Variants in FKBP5 observed in about 807,000 individuals in gnomAD.
The protein encoded by FKBP5 is peptidyl-prolyl cis-trans isomerase FKBP5.
In FKBP5, 23 loss-of-function variants were observed where a neutral mutation model predicts 50.5. The observed-to-expected ratio is 0.46, with a 90% CI of 0.33 to 0.65. FKBP5 has a LOEUF of 0.65. FKBP5 is among the 30% of genes least tolerant of loss of function. The probability of loss-of-function intolerance (pLI) is 0.02; values close to 1 mark genes in which losing one functional copy is unlikely to be tolerated. For missense variants in FKBP5, 411 were observed against 553.1 expected (o/e 0.74, Z 2.58); for synonymous variants, 176 against 190.6 (o/e 0.92, Z 0.63).
intron 5 of FKBP5, among the ~76,000 whole-genome samples, chr6:35,613,653 A>C (rs1234435662): frequency 6.6e-6 from 1 of 152,244 alleles, no homozygotes; most frequent in Non-Finnish European, 1.5e-5. Flanking sequence ...CCTTTAGGGT[A>C]ATCTTTTTTC....
chr6:35,684,288 C>A lies in FKBP5; in HGVS notation c.-20+4516G>T, dbSNP rs187790323. Among the ~76,000 whole-genome samples the A allele has an allele frequency of 4.4e-3, 676 of 151,978 alleles. 2 individuals carry two copies. The highest frequency in any genetic ancestry group is 0.02 in the Middle Eastern group (6 of 294). On this transcript the variant is annotated intron_variant, in intron 1 of 10. Coordinates refer to ENST00000357266, the MANE Select transcript of FKBP5 (RefSeq NM_004117.4). ...CAACCTCCCAGGCTCAAGTGATCCT[C>A]CCACCTCAGCCTCCCAAGTAGCTGG...
chr6:35,707,631 G>T (rs1349216716), intron 2 of FKBP5, among the ~76,000 whole-genome samples: 1 of 152,028 alleles, frequency 6.6e-6, no homozygotes, highest in Non-Finnish European at 1.5e-5. Flanking sequence ...TTGTTGTACA[G>T]GTTATTTTGT....
At chr6:35,676,939 A>G (rs1437959611) in intron 1 of FKBP5, among the ~76,000 whole-genome samples, 1 of 152,198 alleles carries the variant, frequency 6.6e-6, no homozygotes, top group East Asian at 1.9e-4. Context: ...TCTCATTTCT[A>G]TTTTATCTCC....
intron 1 of FKBP5, among the ~76,000 whole-genome samples, chr6:35,681,623 T>G (rs144017135): frequency 2.6e-5 from 4 of 152,324 alleles, no homozygotes; most frequent in African/African-American, 9.6e-5. Flanking sequence ...ATTCCTACTG[T>G]GAAAAAAGCT....
chr6:35,590,708 C>G (rs1248127829), intron 7 of FKBP5, among the ~76,000 whole-genome samples: 2 of 152,030 alleles, frequency 1.3e-5, no homozygotes, highest in Non-Finnish European at 2.9e-5. Context: ...GTGCAGGCCT[C>G]TTCGTGACTC....
intron 2 of FKBP5, among the ~76,000 whole-genome samples, chr6:35,697,044 A>G (rs1766091883): frequency 6.6e-6 from 1 of 152,210 alleles, no homozygotes; most frequent in Non-Finnish European, 1.5e-5. Flanking sequence ...AATTTTCAAT[A>G]TAAAATTACC....
At chr6:35,704,570 A>G (rs1211984852) in intron 2 of FKBP5, among the ~76,000 whole-genome samples, 2 of 146,080 alleles carry the variant, frequency 1.4e-5, no homozygotes, top group Non-Finnish European at 3.0e-5. Context: ...CCTCGGGAGA[A>G]AGCCCGATAG....
chr6:35,623,882 G>A (rs1763920370), intron 3 of FKBP5, among the ~76,000 whole-genome samples: 1 of 151,626 alleles, frequency 6.6e-6, no homozygotes, highest in Non-Finnish European at 1.5e-5. Context: ...ATGATTTTCT[G>A]TAGATATGGA....
intron 9 of FKBP5, among the ~76,000 whole-genome samples, chr6:35,578,502 C>T (rs1056659514): frequency 2.0e-4 from 31 of 152,128 alleles, no homozygotes; most frequent in Admixed American, 6.5e-5. Context: ...GTTGTGGTGG[C>T]TCACACCTGT....
intron 3 of FKBP5, among the ~76,000 whole-genome samples, chr6:35,635,814 C>T (rs2150986049): frequency 6.6e-6 from 1 of 152,332 alleles, no homozygotes; most frequent in East Asian, 1.9e-4. Context: ...CTGCATTCAT[C>T]TGTTGCAATT....
chr6:35,727,967 C>G (rs1323004246), intron 1 of FKBP5, among the ~76,000 whole-genome samples: 8 of 152,196 alleles, frequency 5.3e-5, no homozygotes, highest in Non-Finnish European at 1.2e-4. Flanking sequence ...ACGCGCGCCC[C>G]GGAGGTTGCT....
At chr6:35,586,051 A>G (rs1332430438) in intron 8 of FKBP5, 1 of 985,114 alleles carries the variant, frequency 1.0e-6, no homozygotes, top group Non-Finnish European at 1.2e-6. Context: ...AAAAACATCT[A>G]ATTTCTGTAT....
At chr6:35,719,885 C>G (rs1464039713) in intron 2 of FKBP5, among the ~76,000 whole-genome samples, 1 of 152,252 alleles carries the variant, frequency 6.6e-6, no homozygotes, top group African/African-American at 2.4e-5. Context: ...ACCCGGCCTC[C>G]TCCAGTGAGT....
chr6:35,605,673 C>T (rs1763291463), intron 5 of FKBP5, among the ~76,000 whole-genome samples: 1 of 152,076 alleles, frequency 6.6e-6, no homozygotes, highest in South Asian at 2.1e-4. Flanking sequence ...CTTGGGATTA[C>T]AGGTGTGAAC....
At chr6:35,590,480 C>T (rs1762781410) in intron 7 of FKBP5, among the ~76,000 whole-genome samples, 3 of 152,136 alleles carry the variant, frequency 2.0e-5, no homozygotes, top group Admixed American at 1.3e-4. Context: ...AGGTCGGCTG[C>T]TGCTGGGAGC....
intron 3 of FKBP5, among the ~76,000 whole-genome samples, chr6:35,633,235 C>A (rs1043276422): frequency 6.6e-6 from 1 of 151,910 alleles, no homozygotes; most frequent in African/African-American, 2.4e-5. Context: ...CTACCTAATG[C>A]TATAAAATAT....
At chr6:35,634,540 A>C (rs918667401) in intron 3 of FKBP5, among the ~76,000 whole-genome samples, 17 of 152,158 alleles carry the variant, frequency 1.1e-4, no homozygotes, top group African/African-American at 3.9e-4. Flanking sequence ...AGGCACACAA[A>C]TGATACAGGA....
At chr6:35,706,979 C>A (rs1003443605) in intron 2 of FKBP5, among the ~76,000 whole-genome samples, 5 of 152,110 alleles carry the variant, frequency 3.3e-5, no homozygotes, top group African/African-American at 4.8e-5. Context: ...GATACTCCCA[C>A]TTCTACTTTT....
At chr6:35,638,272 G>C (rs887599734) in intron 2 of FKBP5, among the ~76,000 whole-genome samples, 1 of 152,092 alleles carries the variant, frequency 6.6e-6, no homozygotes, top group African/African-American at 2.4e-5. Flanking sequence ...TTTGGGGAAG[G>C]AGTTTGCTTT....
Sources: allele counts gnomAD v4.1 joint callset (sites outside exome capture counted in the v4.1 genomes callset), GRCh38; gene constraint gnomAD v4.1.1; transcripts MANE v1.5; gene names NCBI Gene and HGNC (gene_info 2026-07-23, HGNC 2026-07-21).